Variants in CDH23 observed in about 807,000 individuals in gnomAD.
CDH23 encodes the protein cadherin related 23, also known as cadherin-23.
CDH23 carries 189 observed loss-of-function variants against 317.1 expected under a neutral mutation model. The ratio of observed to expected loss-of-function variants is 0.60; its 90% CI spans 0.53 to 0.67. The LOEUF is 0.67. Ranked by LOEUF, CDH23 falls within the 30% of genes least tolerant of loss-of-function variation. The pLI is 0.00. For synonymous variants in CDH23, 1,839 were observed against 1,876.8 expected (o/e 0.98, Z 0.52); for missense variants, 4,401 against 4,592.4 (o/e 0.96, Z 1.20).
At chr10:71,735,208 G>A (rs1049632215) in intron 34 of CDH23, among the ~76,000 whole-genome samples, 4 of 152,220 alleles carry the variant, frequency 2.6e-5, no homozygotes, top group Non-Finnish European at 5.9e-5. Context: ...GTTGGTGCAA[G>A]TGTGTGGGGT....
At chr10:71,545,894 C>T in intron 6 of CDH23, among the ~76,000 whole-genome samples, 1 of 152,078 alleles carries the variant, frequency 6.6e-6, no homozygotes. Flanking sequence ...CAGAGGCCAC[C>T]CCCACCCCCC....
At chr10:71,671,404 A>G (rs1864140433) in intron 14 of CDH23, among the ~76,000 whole-genome samples, 1 of 152,090 alleles carries the variant, frequency 6.6e-6, no homozygotes, top group Admixed American at 6.5e-5. Context: ...TTCCTAGAAC[A>G]TTGCAGGGAA....
At position 71,446,239 on chromosome 10, in the gene CDH23, C is replaced by G. The variant is rs995134101; in HGVS notation, c.68-79C>G. The stretch of plus-strand genomic sequence containing the variant: ...ACACAGGCTCAGTGCCCACTGCAGC[C>G]CTCACCCTGTGTCACCTTATAGAGT... On this transcript the variant is annotated intron_variant, in intron 2 of 69. Transcript: ENST00000224721. 49 of 1,363,506 alleles carry G rather than the reference C, an allele frequency of 3.6e-5. No individual in the cohort carries two copies. In the East Asian group the frequency reaches 1.1e-3, roughly 30 times the overall value. The allele number at this position is 1,363,506 out of a possible 1,614,324, so 84.5% of individuals were successfully genotyped here.
intron 1 of CDH23, among the ~76,000 whole-genome samples, chr10:71,437,402 A>G (rs1363590482): frequency 1.3e-5 from 2 of 152,374 alleles, no homozygotes; most frequent in East Asian, 1.9e-4. Context: ...TGAAATCTCC[A>G]TTAGGAAACA....
At chr10:71,552,899 G>T (rs867296472) in intron 6 of CDH23, among the ~76,000 whole-genome samples, 1 of 152,114 alleles carries the variant, frequency 6.6e-6, no homozygotes, top group Non-Finnish European at 1.5e-5. Context: ...CAAGGTAGGG[G>T]ACGTCAGGGA....
chr10:71,697,608 G>A (rs1865440684), intron 22 of CDH23, among the ~76,000 whole-genome samples: 1 of 152,026 alleles, frequency 6.6e-6, no homozygotes, highest in South Asian at 2.1e-4. Flanking sequence ...GATGATAGAA[G>A]CTGCAGTGAG....
At position 71,784,346 on chromosome 10, in the gene CDH23, G is replaced by A. The variant is rs780116199; in HGVS notation, c.5428G>A (p.Asp1810Asn). 1 of 1,613,846 alleles carries A rather than the reference G, an allele frequency of 6.2e-7. No homozygotes were observed. The highest frequency in any genetic ancestry group is 1.7e-5 in the Admixed American group (1 of 59,998). Residue 1810 changes from aspartate (D) to asparagine (N), a missense_variant, in exon 42 of 70, where the codon GAC becomes AAC. Physicochemically the swap from Asp to Asn is conservative, Grantham distance 23. Transcript: ENST00000224721. ...AAGGGTCCGGAAGGACGTGGAGCTG[G>A]ACCGGGAGACCATCGCCTTCTACAA... The part of the protein sequence containing the change: ...VLRVRKDVEL[D>N]RETIAFYNLT...
In CDH23 at chr10:71,657,847, G is replaced by A. The variant is rs535947033; in HGVS notation, c.1449+11230G>A. On this transcript the variant is annotated intron_variant, in intron 14 of 69. Transcript: ENST00000224721. Reference sequence around the variant, plus strand: ...CAAAATCTCTTCCAATTTCCCCACCGTTTAAAAGAAAATTGAATTCTTTAT... The same window carrying A: ...CAAAATCTCTTCCAATTTCCCCACCATTTAAAAGAAAATTGAATTCTTTAT... Among the ~76,000 whole-genome samples the A allele has an allele frequency of 9.2e-5, 14 of 152,122 alleles. No individual in the cohort carries two copies. In the South Asian group the frequency reaches 2.5e-3, roughly 27 times the overall value.
chr10:71,474,006 G>A (rs1851655394), intron 3 of CDH23, among the ~76,000 whole-genome samples: 2 of 152,192 alleles, frequency 1.3e-5, no homozygotes, highest in South Asian at 4.1e-4. Flanking sequence ...AGGAGCTGCC[G>A]CTAATGAGCG....
intron 9 of CDH23, among the ~76,000 whole-genome samples, chr10:71,591,796 T>C (rs543984648): frequency 1.3e-5 from 2 of 152,166 alleles, no homozygotes; most frequent in Admixed American, 6.5e-5. Flanking sequence ...TCAGAACAGC[T>C]CCTGGCCCAG....
At position 71,799,524 on chromosome 10, in the gene CDH23, A is replaced by C. The variant is rs759916829; in HGVS notation, c.7257A>C (p.Thr2419=). Residue 2419 remains threonine, a synonymous_variant, in exon 52 of 70, where the codon ACA becomes ACC. Coordinates refer to ENST00000224721, the MANE Select transcript of CDH23 (RefSeq NM_022124.6). ...EAVFEDVPVG[T]IILTVTATDA... Reference sequence around the variant, plus strand: ...TCTTTGAGGATGTGCCTGTGGGCACAATCATCCTGACAGTCACTGCCACTG... The same window carrying C: ...TCTTTGAGGATGTGCCTGTGGGCACCATCATCCTGACAGTCACTGCCACTG... 6.2e-7 allele frequency: 1 copy of C among 1,614,070 alleles called. No homozygotes were observed. The highest frequency in any genetic ancestry group is 2.2e-5 in the East Asian group (1 of 44,886).
intron 18 of CDH23, among the ~76,000 whole-genome samples, chr10:71,686,541 G>C (rs1052126949): frequency 6.6e-6 from 1 of 152,122 alleles, no homozygotes; most frequent in Non-Finnish European, 1.5e-5. Flanking sequence ...ATCTTTCATG[G>C]CTGCTCTGTC....
At chr10:71,484,724 G>T (rs1043804292) in intron 3 of CDH23, among the ~76,000 whole-genome samples, 2 of 152,178 alleles carry the variant, frequency 1.3e-5, no homozygotes, top group African/African-American at 4.8e-5. Context: ...TGTGTCTAAA[G>T]TTTTTTTCAT....
At chr10:71,770,070 G>T (rs916444340) in intron 38 of CDH23, among the ~76,000 whole-genome samples, 1 of 152,316 alleles carries the variant, frequency 6.6e-6, no homozygotes, top group Middle Eastern at 3.4e-3. Flanking sequence ...CATACTCCAG[G>T]CTTTGGAGAA....
At chr10:71,477,320 C>T (rs1358266250) in intron 3 of CDH23, among the ~76,000 whole-genome samples, 1 of 152,204 alleles carries the variant, frequency 6.6e-6, no homozygotes, top group African/African-American at 2.4e-5. Flanking sequence ...AGGCACCTGC[C>T]ACCATGCCCG....
Position 71,732,344 on chromosome 10 carries a change from C to T in CDH23, c.4073C>T (p.Ala1358Val). Residue 1358 changes from alanine to valine, a missense_variant, in exon 32 of 70, where the codon GCC becomes GTC. Ala to Val is a moderately conservative substitution (Grantham distance 64). Transcript: ENST00000224721. ...TTCAACGCCTACACCAGCACCCAGG[C>T]CAAAGCCCTCTTCAAGATAGACGCC... ...YRFNAYTSTQAKALFKIDAIT... is the reference protein window; with the variant it reads ...YRFNAYTSTQVKALFKIDAIT... The T allele has an allele frequency of 1.3e-6, 2 of 1,578,548 alleles. No homozygotes were observed. The highest frequency in any genetic ancestry group is 2.3e-5 in the South Asian group (2 of 86,844).
At chr10:71,625,277 G>C (rs768600844) in intron 11 of CDH23, among the ~76,000 whole-genome samples, 8 of 151,292 alleles carry the variant, frequency 5.3e-5, no homozygotes, top group Non-Finnish European at 7.4e-5. Flanking sequence ...GACACATCTG[G>C]CAGGAACTGA....
intron 26 of CDH23, among the ~76,000 whole-genome samples, 181 bp from the exon 27 acceptor site, chr10:71,708,917 C>G (rs946845808): frequency 6.6e-6 from 1 of 152,196 alleles, no homozygotes; most frequent in Non-Finnish European, 1.5e-5. Flanking sequence ...GCATCTGGCA[C>G]CCCCGCTGAG....
chr10:71,627,448 G>C lies in CDH23; in HGVS notation c.1134+10055G>C, dbSNP rs182285907. ...CCTATGGCGTGCTTCCTCCCAGCGTGCTAAGCTCCAGCCTCCCTGGGGACC... is the reference window on the plus strand; with the variant it reads ...CCTATGGCGTGCTTCCTCCCAGCGTCCTAAGCTCCAGCCTCCCTGGGGACC... On this transcript the variant is annotated intron_variant, in intron 11 of 69. Transcript: ENST00000224721. Among the ~76,000 whole-genome samples, 39 of 152,324 alleles carry C rather than the reference G, an allele frequency of 2.6e-4. No homozygotes were observed. In the East Asian group the frequency reaches 6.0e-3, roughly 23 times the overall value.
Sources: gnomAD v4.1 joint callset for allele counts (sites outside exome capture counted in the v4.1 genomes callset) on GRCh38, gnomAD v4.1.1 for gene constraint, MANE v1.5 for transcripts, NCBI Gene and HGNC (gene_info 2026-07-23, HGNC 2026-07-21) for gene names.